Variants in STK24 observed in about 807,000 individuals in gnomAD.
STK24 encodes the protein serine/threonine kinase 24.
Under a neutral mutation model 55.6 loss-of-function variants are expected in STK24, and 21 were observed. The observed-to-expected ratio is 0.38, with a 90% confidence interval of 0.27 to 0.54. The LOEUF (loss-of-function observed/expected upper bound fraction) is 0.54. STK24 is among the 20% of genes least tolerant of loss of function. The probability of loss-of-function intolerance (pLI) is 0.79; values close to 1 mark genes in which losing one functional copy is unlikely to be tolerated. For synonymous variants in STK24, 200 were observed against 215.2 expected (o/e 0.93, Z 0.62); for missense variants, 383 against 538.4 (o/e 0.71, Z 2.86).
At chr13:98,520,658 C>T (rs187168455) in intron 1 of STK24, among the ~76,000 whole-genome samples, 5 of 152,352 alleles carry the variant, frequency 3.3e-5, no homozygotes, top group African/African-American at 7.2e-5. Context: ...TCATGAGTGA[C>T]GTGAGCCTCA....
intron 2 of STK24, among the ~76,000 whole-genome samples, chr13:98,496,678 C>A (rs1895263294): frequency 6.6e-6 from 1 of 152,214 alleles, no homozygotes; most frequent in South Asian, 2.1e-4. Flanking sequence ...ATGAGCTGCA[C>A]ATGTGATCCT....
chr13:98,536,698 A>G (rs1896745167), intron 1 of STK24, among the ~76,000 whole-genome samples: 1 of 152,106 alleles, frequency 6.6e-6, no homozygotes, highest in Non-Finnish European at 1.5e-5. Context: ...GAGCTGATAA[A>G]AGCCGGCCTC....
intron 2 of STK24, among the ~76,000 whole-genome samples, chr13:98,516,957 A>G (rs1398425476): frequency 2.6e-5 from 4 of 152,312 alleles, no homozygotes; most frequent in African/African-American, 4.8e-5. Context: ...ACCTGTTTGG[A>G]TGGAATCTCT....
chr13:98,565,556 C>T (rs1024993534), intron 1 of STK24, among the ~76,000 whole-genome samples: 5 of 149,090 alleles, frequency 3.4e-5, no homozygotes, highest in African/African-American at 4.9e-5. Context: ...TGCTTGAACC[C>T]GGGAGGCAGA....
chr13:98,448,103 G>A lies in STK24; in HGVS notation c.*5070C>T, dbSNP rs1277697995. 5.5e-6 allele frequency: 4 copies of A among 731,630 alleles called. No individual in the cohort carries two copies. In the African/African-American group the frequency reaches 6.9e-5, roughly 13 times the overall value. 45.3% of individuals were successfully genotyped at this position (731,630 alleles called of 1,614,324 possible). ...ACGCCTGGGTGCTGGCTGTTCCCTT[G>A]CTCTTCTGCTGAAGTGGCAGATTAC... On this transcript the variant is annotated 3_prime_UTR_variant, in exon 11 of 11. Coordinates refer to ENST00000539966, the MANE Select transcript of STK24 (RefSeq NM_001032296.4).
intron 2 of STK24, among the ~76,000 whole-genome samples, chr13:98,485,779 A>C (rs1894781837): frequency 6.6e-6 from 1 of 152,232 alleles, no homozygotes; most frequent in South Asian, 2.1e-4. Flanking sequence ...AGGCGGTTTC[A>C]GGTTTGCAAG....
At chr13:98,459,226 C>A (rs1320565871) in intron 9 of STK24, among the ~76,000 whole-genome samples, 1 of 152,212 alleles carries the variant, frequency 6.6e-6, no homozygotes, top group Non-Finnish European at 1.5e-5. Flanking sequence ...GGCGCTCAAC[C>A]CGGACATCCT....
At chr13:98,510,025 C>A (rs1356262166) in intron 2 of STK24, among the ~76,000 whole-genome samples, 2 of 152,202 alleles carry the variant, frequency 1.3e-5, no homozygotes, top group African/African-American at 4.8e-5. Context: ...ATTATGTAGC[C>A]ATTTTTCAAA....
intron 5 of STK24, among the ~76,000 whole-genome samples, chr13:98,473,290 A>AGGGAGGAGGGAGGAAAGGAGGGAGGGG (rs371698615): frequency 7.3e-6 from 1 of 137,310 alleles, no homozygotes; most frequent in Non-Finnish European, 1.6e-5. Context: ...GGAAGGAGGG[A>AGGGAGGAGGGAGGAAAGGAGGGAGGGG]GAGAGGGAAA....
chr13:98,561,977 CAAAAAAAAAAAAA>C (rs10564690), intron 1 of STK24, among the ~76,000 whole-genome samples: 1 of 53,618 alleles, frequency 1.9e-5, no homozygotes, highest in Non-Finnish European at 3.6e-5. Context: ...GACTCCGTCT[CAAAAAAAAAAAAA>C]AAAAAAAAAA....
In STK24 at chr13:98,448,831, G is replaced by A; in HGVS notation, c.*4342C>T. On this transcript the variant is annotated 3_prime_UTR_variant, in exon 11 of 11. Transcript: ENST00000539966. Reference sequence around the variant, plus strand: ...TTTTTTTTTCAGTCTTTCTACTTTTGTAATAATAGGAAGTTAGTAGGACTC... The same window carrying A: ...TTTTTTTTTCAGTCTTTCTACTTTTATAATAATAGGAAGTTAGTAGGACTC... 6.6e-6 allele frequency: 1 copy of A among 151,346 alleles called. No homozygotes were observed. The highest frequency in any genetic ancestry group is 1.5e-5 in the Non-Finnish European group (1 of 68,176). 9.4% of individuals were successfully genotyped at this position (151,346 alleles called of 1,614,324 possible). A position where few individuals can be genotyped will look rare whatever the true frequency, so the allele number is the denominator to read the frequency against.
intron 2 of STK24, among the ~76,000 whole-genome samples, chr13:98,511,995 G>A (rs1291952716): frequency 6.7e-6 from 1 of 149,484 alleles, no homozygotes; most frequent in East Asian, 2.0e-4. Context: ...AGCGATTCTC[G>A]TGCCTCGGCC....
At chr13:98,551,741 G>A (rs989398468) in intron 1 of STK24, among the ~76,000 whole-genome samples, 4 of 152,126 alleles carry the variant, frequency 2.6e-5, no homozygotes, top group African/African-American at 9.7e-5. Context: ...TCCAATGCTT[G>A]CTGGAATGTC....
chr13:98,549,652 G>T (rs1246148808), intron 1 of STK24, among the ~76,000 whole-genome samples: 4 of 152,236 alleles, frequency 2.6e-5, no homozygotes, highest in African/African-American at 9.6e-5. Context: ...ATGAGTCAAA[G>T]CTCCCTGAGG....
In STK24 at chr13:98,514,105, G is replaced by T. The variant is rs1276848573; in HGVS notation, c.273+5138C>A. ...TATGGGCAAGGCTGAGAATCACGGT[G>T]TTTTTCTGCAGATAGGCATAGTAAG... On this transcript the variant is annotated intron_variant, in intron 2 of 10. Transcript: ENST00000539966. Among the ~76,000 whole-genome samples the T allele has an allele frequency of 2.6e-5, 4 of 152,212 alleles. No homozygotes were observed. The South Asian group carries it at 8.3e-4, about 32-fold the overall frequency.
chr13:98,472,235 C>T (rs1443978363), intron 5 of STK24, among the ~76,000 whole-genome samples: 3 of 152,238 alleles, frequency 2.0e-5, no homozygotes, highest in South Asian at 2.1e-4. Flanking sequence ...CAGACACAGA[C>T]GTGACCCTCA....
intron 2 of STK24, chr13:98,508,969 T>G (rs1895787170): frequency 6.6e-6 from 1 of 152,236 alleles, no homozygotes; most frequent in South Asian, 2.1e-4. Flanking sequence ...GTTCACAGAC[T>G]AGAAATAATT....
chr13:98,515,961 T>C (rs755124661), intron 2 of STK24, among the ~76,000 whole-genome samples: 1 of 152,202 alleles, frequency 6.6e-6, no homozygotes, highest in Non-Finnish European at 1.5e-5. Flanking sequence ...GAGCACTATT[T>C]CCAGCTCTGT....
At chr13:98,507,069 G>C (rs562634184) in intron 2 of STK24, among the ~76,000 whole-genome samples, 3 of 152,356 alleles carry the variant, frequency 2.0e-5, no homozygotes, top group South Asian at 2.1e-4. Context: ...CTGGGCGGGA[G>C]AGCCAGCGAG....
Sources: gnomAD v4.1 joint callset for allele counts (sites outside exome capture counted in the v4.1 genomes callset) on GRCh38, gnomAD v4.1.1 for gene constraint, MANE v1.5 for transcripts, NCBI Gene and HGNC (gene_info 2026-07-23, HGNC 2026-07-21) for gene names.